Variants in MAGI2 observed in about 807,000 individuals in gnomAD.
The protein encoded by MAGI2 is membrane-associated guanylate kinase, WW and PDZ domain-containing protein 2.
A neutral mutation model predicts 133.3 loss-of-function variants in MAGI2; 35 were observed. The ratio of observed to expected loss-of-function variants is 0.26; its 90% CI spans 0.20 to 0.35. The LOEUF (loss-of-function observed/expected upper bound fraction) is 0.35. Ranked by LOEUF, MAGI2 falls within the 10% of genes least tolerant of loss-of-function variation. MAGI2 has a pLI of 1.00. For synonymous variants in MAGI2, 729 were observed against 710.6 expected, an observed-to-expected ratio of 1.03 and a Z score of -0.41; for missense variants, 1,636 against 1,863.4, an observed-to-expected ratio of 0.88 and a Z score of 2.25.
chr7:78,245,982 C>T (rs13239642), intron 10 of MAGI2, among the ~76,000 whole-genome samples: 25,763 of 152,194 alleles, frequency 0.17, 2,513 homozygotes, highest in Middle Eastern at 0.26. Context: ...GGAGCCACCC[C>T]TGTTCAGTGG....
intron 1 of MAGI2, among the ~76,000 whole-genome samples, chr7:79,009,701 C>G (rs1397312072): frequency 6.6e-6 from 1 of 152,042 alleles, no homozygotes; most frequent in Admixed American, 6.6e-5. Context: ...TCCTAACTGC[C>G]CTTGCAGCTT....
At chr7:79,083,632 T>A (rs1816244377) in intron 1 of MAGI2, among the ~76,000 whole-genome samples, 1 of 151,726 alleles carries the variant, frequency 6.6e-6, no homozygotes, top group African/African-American at 2.4e-5. Flanking sequence ...TGTAATTTTC[T>A]TTATTTTTTA....
At chr7:79,223,778 G>C (rs1178479419) in intron 1 of MAGI2, among the ~76,000 whole-genome samples, 1 of 152,020 alleles carries the variant, frequency 6.6e-6, no homozygotes, top group Non-Finnish European at 1.5e-5. Flanking sequence ...ACAGTCTGCT[G>C]ACCCTAAAAC....
intron 2 of MAGI2, among the ~76,000 whole-genome samples, chr7:78,805,380 C>T (rs749654243): frequency 4.6e-5 from 7 of 152,008 alleles, no homozygotes; most frequent in Non-Finnish European, 1.0e-4. Context: ...CTCTACCCTT[C>T]CTGATTTTTA....
chr7:78,058,315 T>C (rs1812860100), intron 21 of MAGI2, among the ~76,000 whole-genome samples: 1 of 151,968 alleles, frequency 6.6e-6, no homozygotes, highest in Non-Finnish European at 1.5e-5. Flanking sequence ...TGAGGGAATG[T>C]CTGTGTTCTT....
chr7:78,718,792 G>A (rs1333551442), intron 2 of MAGI2, among the ~76,000 whole-genome samples: 2 of 152,038 alleles, frequency 1.3e-5, no homozygotes, highest in African/African-American at 2.4e-5. Flanking sequence ...ACCCCTGTCC[G>A]TGGAAAAATT....
At chr7:79,173,348 T>C (rs1825800556) in intron 1 of MAGI2, among the ~76,000 whole-genome samples, 1 of 151,926 alleles carries the variant, frequency 6.6e-6, no homozygotes, top group African/African-American at 2.4e-5. Context: ...CTTCTGATGA[T>C]AAGGTCTTCC....
rs1819237001 is a variant in MAGI2, at chr7:78,110,413, A to G, written c.3567+15281T>C. 2.0e-5 allele frequency among the ~76,000 whole-genome samples: 3 copies of G among 152,012 alleles called. No homozygotes were observed. In the South Asian group the frequency reaches 6.2e-4, roughly 32 times the overall value. On this transcript the variant is annotated intron_variant, in intron 20 of 21. Coordinates refer to ENST00000354212, the MANE Select transcript of MAGI2 (RefSeq NM_012301.4). ...ATGGCATTAAGATGGCATAACAACA[A>G]CTCGTGACTGGTCTGAGATGAAAAA...
At chr7:78,821,303 A>G (rs1224724708) in intron 2 of MAGI2, among the ~76,000 whole-genome samples, 1 of 152,062 alleles carries the variant, frequency 6.6e-6, no homozygotes, top group Admixed American at 6.5e-5. Context: ...AAGATAGAGT[A>G]CTAAAGGAAA....
At chr7:79,341,215 A>C (rs762665115) in intron 1 of MAGI2, among the ~76,000 whole-genome samples, 1 of 152,168 alleles carries the variant, frequency 6.6e-6, no homozygotes, top group Non-Finnish European at 1.5e-5. Flanking sequence ...AGTAATACTC[A>C]GTGGAAATAA....
At chr7:79,145,535 C>G (rs113638393) in intron 1 of MAGI2, among the ~76,000 whole-genome samples, 2,506 of 151,854 alleles carry the variant, frequency 0.017, 70 homozygotes, top group African/African-American at 0.057. Flanking sequence ...GGAGAGCAAA[C>G]AGGAAGACCT....
chr7:78,409,881 T>A (rs746153444), intron 6 of MAGI2, among the ~76,000 whole-genome samples: 2 of 152,112 alleles, frequency 1.3e-5, no homozygotes, highest in South Asian at 2.1e-4. Context: ...TCAATTAAAC[T>A]CTTTTTCTGT....
chr7:79,325,799 C>G (rs1374322007), intron 1 of MAGI2, among the ~76,000 whole-genome samples: 1 of 152,096 alleles, frequency 6.6e-6, no homozygotes, highest in Non-Finnish European at 1.5e-5. Context: ...ACAAGGAAGG[C>G]AACATTCATA....
intron 1 of MAGI2, among the ~76,000 whole-genome samples, chr7:79,008,076 T>C (rs2116536730): frequency 6.6e-6 from 1 of 152,230 alleles, no homozygotes; most frequent in African/African-American, 2.4e-5. Flanking sequence ...CCTATTTCCA[T>C]ACTGGAAAGA....
chr7:78,785,235 G>A (rs1826717702), intron 2 of MAGI2, among the ~76,000 whole-genome samples: 1 of 152,034 alleles, frequency 6.6e-6, no homozygotes, highest in Non-Finnish European at 1.5e-5. Context: ...CTACATCCAA[G>A]GAATGCTTTT....
chr7:78,600,652 C>T (rs926140791), intron 3 of MAGI2, among the ~76,000 whole-genome samples: 3 of 151,992 alleles, frequency 2.0e-5, no homozygotes, highest in African/African-American at 7.2e-5. Flanking sequence ...AACGATAGTA[C>T]ACTGGAGTGA....
intron 2 of MAGI2, among the ~76,000 whole-genome samples, chr7:78,729,244 C>G (rs765683824): frequency 3.3e-5 from 5 of 152,126 alleles, no homozygotes; most frequent in Non-Finnish European, 5.9e-5. Context: ...AGGATTACTC[C>G]CAGTCATTTT....
rs77844311 is a variant in MAGI2 at position 78,324,170 on chromosome 7, C to CACTACACT, written c.1408+19607_1408+19608insAGTGTAGT. Among the ~76,000 whole-genome samples, 997 of 127,254 alleles carry CACTACACT rather than the reference C, an allele frequency of 7.8e-3. 10 individuals carry two copies. The highest frequency in any genetic ancestry group is 0.024 in the African/African-American group (731 of 29,882). 83.5% of individuals were successfully genotyped at this position (127,254 alleles called of 152,430 possible). A position where few individuals can be genotyped will look rare whatever the true frequency, so the allele number is the denominator to read the frequency against. On this transcript the variant is annotated intron_variant, in intron 9 of 21. Transcript: ENST00000354212. Reference sequence around the variant, plus strand: ...CTACACTACACACTACACTACACTACACACTACACTACACTACACTACACT... The same window carrying CACTACACT: ...CTACACTACACACTACACTACACTACACTACACTACACTACACTACACTACACTACACT...
At chr7:79,176,829 T>TTA (rs1485340207) in intron 1 of MAGI2, 10 of 151,936 alleles carry the variant, frequency 6.6e-5, no homozygotes, top group African/African-American at 2.2e-4. Context: ...TTTAGTAAAA[T>TTA]GACACACTCA....
Sources: gnomAD v4.1 joint callset for allele counts (sites outside exome capture counted in the v4.1 genomes callset) on GRCh38, gnomAD v4.1.1 for gene constraint, MANE v1.5 for transcripts, NCBI Gene and HGNC (gene_info 2026-07-23, HGNC 2026-07-21) for gene names.